CREB5: variants seen among roughly 807,000 people sequenced by gnomAD.
CREB5 encodes the protein cyclic AMP-responsive element-binding protein 5.
In CREB5, 19 loss-of-function variants were observed where a neutral mutation model predicts 57.1. The observed-to-expected ratio is 0.33, with a 90% CI of 0.23 to 0.49. The LOEUF (loss-of-function observed/expected upper bound fraction) is 0.49, where lower values mean the gene tolerates loss of function less well. CREB5 is among the 20% of genes least tolerant of loss of function. The pLI, the probability that CREB5 is intolerant of heterozygous loss-of-function variation, is 0.99. For synonymous variants in CREB5, 238 were observed against 238.3 expected, an observed-to-expected ratio of 1.00 and a Z score of 0.01; for missense variants, 579 against 671.6, an observed-to-expected ratio of 0.86 and a Z score of 1.52.
intron 4 of CREB5, among the ~76,000 whole-genome samples, chr7:28,522,163 T>C (rs947726234): frequency 3.9e-5 from 6 of 152,310 alleles, no homozygotes; most frequent in Admixed American, 3.9e-4. Flanking sequence ...CTGAAAGTCA[T>C]GAAGCTAGTA....
intron 4 of CREB5, among the ~76,000 whole-genome samples, chr7:28,565,564 G>A (rs1283995450): frequency 3.9e-5 from 6 of 152,142 alleles, no homozygotes; most frequent in South Asian, 2.1e-4. Context: ...ATCTACCATC[G>A]TGCCTGCTTC....
chr7:28,655,898 G>T (rs1799314879), intron 5 of CREB5, among the ~76,000 whole-genome samples: 1 of 152,106 alleles, frequency 6.6e-6, no homozygotes, highest in African/African-American at 2.4e-5. Context: ...TGAGCTTTGT[G>T]CAGAGACTAT....
intron 4 of CREB5, among the ~76,000 whole-genome samples, chr7:28,560,841 T>TGCGTGCGTGTGTGTGTGCGCGCGTGC (rs1562797105): frequency 1.3e-5 from 1 of 75,062 alleles, no homozygotes; most frequent in African/African-American, 4.9e-5. Context: ...CGCGTGTGTG[T>TGCGTGCGTGTGTGTGTGCGCGCGTGC]GTGCGCGTGT....
At chr7:28,669,133 A>T (rs1799936954) in intron 5 of CREB5, among the ~76,000 whole-genome samples, 2 of 152,226 alleles carry the variant, frequency 1.3e-5, no homozygotes. Flanking sequence ...GCTGTGAAGG[A>T]TGTTTCAAGT....
intron 5 of CREB5, among the ~76,000 whole-genome samples, chr7:28,711,526 A>G (rs1802399062): frequency 6.6e-6 from 1 of 152,222 alleles, no homozygotes. Context: ...GATATGGGTA[A>G]TAAGACGTCT....
At chr7:28,381,746 G>A (rs768118886) in intron 1 of CREB5, among the ~76,000 whole-genome samples, 2 of 152,144 alleles carry the variant, frequency 1.3e-5, no homozygotes, top group Non-Finnish European at 2.9e-5. Context: ...TCACTCCTAA[G>A]TACAAAATAG....
chr7:28,632,886 C>G (rs957565375), intron 5 of CREB5, among the ~76,000 whole-genome samples: 1 of 151,966 alleles, frequency 6.6e-6, no homozygotes, highest in East Asian at 1.9e-4. Flanking sequence ...ATAGAAACAC[C>G]GTAAGTTCAA....
intron 1 of CREB5, among the ~76,000 whole-genome samples, chr7:28,419,472 T>C (rs1422056238): frequency 6.7e-6 from 1 of 149,268 alleles, no homozygotes; most frequent in Non-Finnish European, 1.5e-5. Context: ...GAGCTGTTGA[T>C]TAATAGTGCA....
chr7:28,618,105 A>G (rs908582056), intron 5 of CREB5, among the ~76,000 whole-genome samples: 3 of 152,210 alleles, frequency 2.0e-5, no homozygotes, highest in African/African-American at 7.2e-5. Flanking sequence ...GATGGCATTG[A>G]TGCTGAATGT....
intron 5 of CREB5, among the ~76,000 whole-genome samples, chr7:28,697,584 C>G (rs1021790448): frequency 2.6e-5 from 4 of 151,670 alleles, no homozygotes; most frequent in African/African-American, 9.7e-5. Context: ...CTAGTTCTGG[C>G]CTTCAATGAT....
chr7:28,514,261 A>G (rs1792836455), intron 4 of CREB5, among the ~76,000 whole-genome samples: 1 of 152,226 alleles, frequency 6.6e-6, no homozygotes, highest in African/African-American at 2.4e-5. Context: ...ACCAGTGTTA[A>G]CAGGCAAAGT....
chr7:28,380,255 C>A (rs1051420058), intron 1 of CREB5, among the ~76,000 whole-genome samples: 2 of 152,228 alleles, frequency 1.3e-5, no homozygotes, highest in African/African-American at 4.8e-5. Flanking sequence ...CACTTTTCCA[C>A]TCAGCCAGTG....
intron 4 of CREB5, among the ~76,000 whole-genome samples, chr7:28,552,017 CTCTCTCTT>C (rs1378400746): frequency 5.2e-5 from 7 of 135,576 alleles, no homozygotes; most frequent in African/African-American, 1.7e-4. Flanking sequence ...TCTCTTTTCT[CTCTCTCTT>C]TCTCTCTTTT....
intron 1 of CREB5, among the ~76,000 whole-genome samples, chr7:28,384,196 G>T: frequency 6.6e-6 from 1 of 152,154 alleles, no homozygotes. Context: ...GCCAAAGGAC[G>T]AGCGTCTGTA....
chr7:28,460,164 T>G (rs1790290785), intron 1 of CREB5, among the ~76,000 whole-genome samples: 1 of 152,168 alleles, frequency 6.6e-6, no homozygotes, highest in Admixed American at 6.5e-5. Context: ...TGAAAAGGAT[T>G]ACATATTTTA....
chr7:28,365,008 T>A (rs12672690), intron 1 of CREB5, among the ~76,000 whole-genome samples: 67,013 of 151,890 alleles, frequency 0.44, 14,970 homozygotes, highest in East Asian at 0.54. Flanking sequence ...GACACCAACT[T>A]GGTGACACCA....
At position 28,468,170 on chromosome 7, in the gene CREB5, C is replaced by T. The variant is rs555487199; in HGVS notation, c.4-20005C>T. Among the ~76,000 whole-genome samples, 3 of 152,242 alleles carry T rather than the reference C, an allele frequency of 2.0e-5. No homozygotes were observed. In the East Asian group the frequency reaches 5.8e-4, roughly 29 times the overall value. On this transcript the variant is annotated intron_variant, in intron 1 of 10. Transcript: ENST00000357727. ...TGTGGCAGACAAGCCGTGGGTAGGA[C>T]ATAGGGGGCTCATTTCTGGGATGGA... is the stretch of plus-strand genomic sequence containing the variant.
chr7:28,519,603 G>T (rs942833454), intron 4 of CREB5, among the ~76,000 whole-genome samples: 5 of 152,134 alleles, frequency 3.3e-5, no homozygotes, highest in Non-Finnish European at 5.9e-5. Context: ...GGCACATATT[G>T]TAAGACAGCT....
intron 1 of CREB5, among the ~76,000 whole-genome samples, chr7:28,446,297 A>G (rs1448730531): frequency 6.6e-6 from 1 of 151,220 alleles, no homozygotes; most frequent in Non-Finnish European, 1.5e-5. Context: ...ACTTGGTGGG[A>G]TGATGTGGCT....
Sources: allele counts gnomAD v4.1 joint callset (sites outside exome capture counted in the v4.1 genomes callset), GRCh38; gene constraint gnomAD v4.1.1; transcripts MANE v1.5; gene names NCBI Gene and HGNC (gene_info 2026-07-23, HGNC 2026-07-21).